The following RNF38 variants were observed in gnomAD, a reference collection of about 807,000 sequenced individuals.
RNF38 encodes the protein ring finger protein 38.
Under a neutral mutation model 67.2 loss-of-function variants are expected in RNF38, and 15 were observed. That is an observed-to-expected ratio of 0.22 (90% CI 0.15 to 0.34). The LOEUF (loss-of-function observed/expected upper bound fraction) is 0.34. RNF38 is among the 10% of genes least tolerant of loss of function. The pLI, the probability that RNF38 is intolerant of heterozygous loss-of-function variation, is 1.00. For synonymous variants in RNF38, 220 were observed against 218.8 expected (o/e 1.01, Z -0.05); for missense variants, 524 against 639.9 (o/e 0.82, Z 1.95).
At chr9:36,383,023 A>G (rs1836322831) in intron 2 of RNF38, among the ~76,000 whole-genome samples, 1 of 152,222 alleles carries the variant, frequency 6.6e-6, no homozygotes, top group East Asian at 1.9e-4. Flanking sequence ...GTTACTAAAA[A>G]ATAAGACAAG....
chr9:36,344,304 T>C lies in RNF38; in HGVS notation c.1385+528A>G, dbSNP rs372034626. ...TGCTGGGATTACATGTGTGAGCCAC[T>C]GCGCCCGGCCTGAATTGTACATTTT... On this transcript the variant is annotated intron_variant, in intron 10 of 11. Coordinates refer to ENST00000259605, the MANE Select transcript of RNF38 (RefSeq NM_022781.5). 1.4e-4 allele frequency among the ~76,000 whole-genome samples: 21 copies of C among 152,308 alleles called. 1 individual carries two copies. The highest frequency in any genetic ancestry group is 1.4e-3 in the East Asian group (7 of 5,180).
At chr9:36,385,305 C>T (rs965636245) in intron 2 of RNF38, among the ~76,000 whole-genome samples, 1 of 151,940 alleles carries the variant, frequency 6.6e-6, no homozygotes, top group African/African-American at 2.4e-5. Context: ...CAAAGCACTT[C>T]CCAAAGCCAA....
chr9:36,400,336 G>A, upstream of RNF38: 1 of 1,243,998 alleles, frequency 8.0e-7, no homozygotes, highest in Non-Finnish European at 1.0e-6. Context: ...CTGCGTCTCG[G>A]CAAAAAGGGA....
At chr9:36,425,982 C>T (rs1838760274) in intron 1 of RNF38, among the ~76,000 whole-genome samples, 1 of 152,188 alleles carries the variant, frequency 6.6e-6, no homozygotes, top group Admixed American at 6.5e-5. Context: ...AGGCGTGAGC[C>T]ACCCACCTGG....
chr9:36,395,618 T>C (rs1208714024), intron 1 of RNF38, among the ~76,000 whole-genome samples: 1 of 152,192 alleles, frequency 6.6e-6, no homozygotes, highest in African/African-American at 2.4e-5. Flanking sequence ...ACTTCCATGA[T>C]AGCAACTGTT....
At chr9:36,466,160 G>A (rs1839858283) in intron 1 of RNF38, among the ~76,000 whole-genome samples, 2 of 152,226 alleles carry the variant, frequency 1.3e-5, no homozygotes, top group South Asian at 4.1e-4. Flanking sequence ...TCATAAAAGT[G>A]CAAATTGTAT....
rs1287588694 is a variant in RNF38, at chr9:36,366,444, T to C, written c.570+3275A>G. 5.3e-5 allele frequency among the ~76,000 whole-genome samples: 8 copies of C among 152,182 alleles called. No individual in the cohort carries two copies. The East Asian group carries it at 1.5e-3, about 29-fold the overall frequency. On this transcript the variant is annotated intron_variant, in intron 4 of 11. Transcript: ENST00000259605. The stretch of plus-strand genomic sequence containing the variant: ...CAGTGTTAATGTATCTTTTAAAAAG[T>C]TGTTCATGTTCTGTTTGATTCTGGT...
intron 1 of RNF38, among the ~76,000 whole-genome samples, chr9:36,449,042 T>C (rs1421579486): frequency 6.6e-6 from 1 of 152,060 alleles, no homozygotes; most frequent in Non-Finnish European, 1.5e-5. Context: ...ACCCAAACTA[T>C]AAACCAGTTA....
At position 36,400,144 on chromosome 9, in the gene RNF38, C is replaced by T. The variant is rs1164600308; in HGVS notation, c.-36G>A. ...ACAAAAACTTTATTTCTTTTTGGAC[C>T]TCAATAACCTGAAACACTCCCGTTT... On this transcript the variant is annotated 5_prime_UTR_variant, in exon 1 of 12. Transcript: ENST00000259605. 3 of 1,610,598 alleles carry T rather than the reference C, an allele frequency of 1.9e-6. No homozygotes were observed. Among genetic ancestry groups the T allele is most frequent in the Non-Finnish European group, 8.5e-7 (1 of 1,178,452 alleles).
intron 1 of RNF38, among the ~76,000 whole-genome samples, chr9:36,433,990 G>C (rs966474550): frequency 6.6e-6 from 1 of 151,692 alleles, no homozygotes; most frequent in African/African-American, 2.4e-5. Flanking sequence ...TGTAATTCCA[G>C]ACTTAGGGAG....
chr9:36,355,831 C>T (rs973091027), intron 6 of RNF38, among the ~76,000 whole-genome samples: 1 of 151,860 alleles, frequency 6.6e-6, no homozygotes, highest in African/African-American at 2.4e-5. Context: ...AGAAGAATGC[C>T]TAAGTTATTA....
At chr9:36,466,982 C>G (rs970353593) in intron 1 of RNF38, among the ~76,000 whole-genome samples, 4 of 148,486 alleles carry the variant, frequency 2.7e-5, no homozygotes, top group African/African-American at 1.0e-4. Context: ...AGTTTGAGAC[C>G]AGCCTGGTCA....
At chr9:36,366,293 G>A (rs190614537) in intron 4 of RNF38, among the ~76,000 whole-genome samples, 139 of 152,096 alleles carry the variant, frequency 9.1e-4, no homozygotes, top group African/African-American at 3.3e-3. Context: ...ATGCAGTCAC[G>A]TTCAAAATTC....
intron 2 of RNF38, among the ~76,000 whole-genome samples, chr9:36,378,016 TA>T (rs150132137): frequency 2.7e-5 from 4 of 150,220 alleles, no homozygotes; most frequent in Admixed American, 1.3e-4. Context: ...TCCTAAAACT[TA>T]AAAAAAAAGG....
intron 1 of RNF38, among the ~76,000 whole-genome samples, chr9:36,428,885 C>T: frequency 6.6e-6 from 1 of 152,202 alleles, no homozygotes; most frequent in East Asian, 1.9e-4. Context: ...CTCCATGGAG[C>T]TTACAGCCCA....
At chr9:36,388,453 A>C (rs772372820) in intron 2 of RNF38, among the ~76,000 whole-genome samples, 1 of 152,354 alleles carries the variant, frequency 6.6e-6, no homozygotes, top group South Asian at 2.1e-4. Flanking sequence ...GGACAATGAC[A>C]GAACTGATAA....
At chr9:36,363,699 A>G (rs1240516496) in intron 4 of RNF38, among the ~76,000 whole-genome samples, 1 of 99,676 alleles carries the variant, frequency 1.0e-5, no homozygotes, top group African/African-American at 3.0e-5. Flanking sequence ...AAGATGGCAG[A>G]GAGCCTACTA....
intron 1 of RNF38, among the ~76,000 whole-genome samples, chr9:36,443,274 C>T (rs1839234927): frequency 6.6e-6 from 1 of 152,130 alleles, no homozygotes; most frequent in Admixed American, 6.6e-5. Context: ...AATAAAATCT[C>T]TGATGAATTG....
At chr9:36,391,681 C>T (rs534112488) in intron 1 of RNF38, among the ~76,000 whole-genome samples, 4 of 147,888 alleles carry the variant, frequency 2.7e-5, no homozygotes, top group Admixed American at 6.8e-5. Context: ...GGTGCCATCT[C>T]GGCTCACTGC....
Sources: gnomAD v4.1 joint callset for allele counts (sites outside exome capture counted in the v4.1 genomes callset) on GRCh38, gnomAD v4.1.1 for gene constraint, MANE v1.5 for transcripts, NCBI Gene and HGNC (gene_info 2026-07-23, HGNC 2026-07-21) for gene names.